CCDC6: variants seen among roughly 807,000 people sequenced by gnomAD.
The protein encoded by CCDC6 is coiled-coil domain containing 6.
CCDC6 carries 20 observed loss-of-function variants against 56.6 expected under a neutral mutation model. The observed-to-expected ratio is 0.35, with a 90% CI of 0.25 to 0.51. CCDC6 has a LOEUF of 0.51. Ranked by LOEUF, CCDC6 falls within the 20% of genes least tolerant of loss-of-function variation. CCDC6 has a pLI of 0.95. For missense variants in CCDC6, 367 were observed against 601.1 expected (o/e 0.61, Z 4.07); for synonymous variants, 241 against 234.4 (o/e 1.03, Z -0.26).
intron 7 of CCDC6, among the ~76,000 whole-genome samples, chr10:59,801,380 TG>T (rs2132624641): frequency 6.6e-6 from 1 of 152,346 alleles, no homozygotes; most frequent in Non-Finnish European, 1.5e-5. Flanking sequence ...CTAAGGTCAG[TG>T]GTAAGTTCTG....
chr10:59,803,244 A>T (rs2132625750), intron 7 of CCDC6, among the ~76,000 whole-genome samples: 1 of 152,096 alleles, frequency 6.6e-6, no homozygotes, highest in East Asian at 1.9e-4. Flanking sequence ...GCCTGACACC[A>T]GAGAGCACAC....
intron 7 of CCDC6, among the ~76,000 whole-genome samples, chr10:59,798,908 C>A: frequency 6.9e-6 from 1 of 145,832 alleles, no homozygotes; most frequent in South Asian, 2.2e-4. Flanking sequence ...GCAGGAGAAT[C>A]GCTTGAATCT....
At chr10:59,861,118 G>A (rs1398319695) in intron 1 of CCDC6, among the ~76,000 whole-genome samples, 1 of 152,158 alleles carries the variant, frequency 6.6e-6, no homozygotes, top group Non-Finnish European at 1.5e-5. Context: ...AGTAGAGGTT[G>A]TAGTGAGCCA....
In CCDC6 at chr10:59,906,372, C is replaced by T. The variant is rs200683186; in HGVS notation, c.53G>A (p.Ser18Asn). Residue 18 changes from serine (S) to asparagine (N), a missense_variant, in exon 1 of 9, where the codon AGC becomes AAC. By Grantham distance (46) the Ser-to-Asn change is conservative (BLOSUM62 1). Transcript: ENST00000263102. ...GGACGACTGCATGGCGGCCGAGCTG[C>T]TGCTGTTGCCCCCCGCCCCGTCCGT... ...SDTDGAGGNSSSSAAMQSSCS... is the reference protein window; with the variant it reads ...SDTDGAGGNSNSSAAMQSSCS... 762 of 1,593,414 alleles carry T rather than the reference C, an allele frequency of 4.8e-4. 5 individuals are homozygous for T. The highest frequency in any genetic ancestry group is 3.4e-3 in the Admixed American group (202 of 59,676).
intron 2 of CCDC6, among the ~76,000 whole-genome samples, chr10:59,840,218 A>G (rs2070925283): frequency 6.6e-6 from 1 of 152,228 alleles, no homozygotes; most frequent in African/African-American, 2.4e-5. Flanking sequence ...CCCAGGAGAG[A>G]AACCACTGGG....
At chr10:59,867,589 T>C (rs2071188202) in intron 1 of CCDC6, among the ~76,000 whole-genome samples, 1 of 152,202 alleles carries the variant, frequency 6.6e-6, no homozygotes. Context: ...GGTCTCACTC[T>C]GTCACCCAGG....
At chr10:59,846,404 G>A (rs143617270) in intron 2 of CCDC6, among the ~76,000 whole-genome samples, 2 of 152,282 alleles carry the variant, frequency 1.3e-5, no homozygotes, top group Non-Finnish European at 2.9e-5. Flanking sequence ...GGCAGAGGTA[G>A]TTTCAGCAGT....
At chr10:59,801,362 T>C (rs763412562) in intron 7 of CCDC6, among the ~76,000 whole-genome samples, 9 of 152,232 alleles carry the variant, frequency 5.9e-5, no homozygotes, top group Non-Finnish European at 1.3e-4. Flanking sequence ...CATCAAAAAC[T>C]GCTCTAGCTA....
chr10:59,804,786 CCA>C lies in CCDC6; in HGVS notation c.1005-268_1005-267del, dbSNP rs2070606565. The stretch of plus-strand genomic sequence containing the variant: ...AGCCAGGTGAAAGAGGTGCACCACA[CCA>C]CAGAGAGGACCAGTTTTTCCTCCAT... On this transcript the variant is annotated intron_variant, in intron 6 of 8. Coordinates refer to ENST00000263102, the MANE Select transcript of CCDC6 (RefSeq NM_005436.5). The C allele has an allele frequency of 1.1e-5, 4 of 355,548 alleles. No homozygotes were observed. The South Asian group carries it at 1.5e-4, about 13-fold the overall frequency. 22.0% of individuals were successfully genotyped at this position (355,548 alleles called of 1,614,324 possible).
chr10:59,839,447 T>C (rs1029830344), intron 2 of CCDC6, among the ~76,000 whole-genome samples: 1 of 152,206 alleles, frequency 6.6e-6, no homozygotes, highest in Non-Finnish European at 1.5e-5. Flanking sequence ...AGATTAAGCC[T>C]GAGGATAAGC....
intron 1 of CCDC6, among the ~76,000 whole-genome samples, chr10:59,896,631 CA>C (rs1174756664): frequency 1.4e-5 from 2 of 147,646 alleles, no homozygotes; most frequent in African/African-American, 2.5e-5. Context: ...AACAAACAAA[CA>C]AAAAAAATTA....
chr10:59,837,874 A>G (rs2070898498), intron 2 of CCDC6, among the ~76,000 whole-genome samples: 1 of 151,958 alleles, frequency 6.6e-6, no homozygotes, highest in African/African-American at 2.4e-5. Flanking sequence ...ATTGAAAATT[A>G]CCAAGGAATG....
intron 2 of CCDC6, among the ~76,000 whole-genome samples, chr10:59,838,962 T>C (rs1319723693): frequency 6.6e-6 from 1 of 152,234 alleles, no homozygotes; most frequent in Non-Finnish European, 1.5e-5. Flanking sequence ...GTCATTCAAG[T>C]GCATTTTGAT....
At chr10:59,898,191 GA>G (rs563117156) in intron 1 of CCDC6, among the ~76,000 whole-genome samples, 4 of 151,870 alleles carry the variant, frequency 2.6e-5, no homozygotes, top group African/African-American at 4.8e-5. Context: ...GGAATAGAGG[GA>G]AAAAAACCAC....
intron 3 of CCDC6, among the ~76,000 whole-genome samples, chr10:59,832,120 C>T (rs923570660): frequency 1.5e-4 from 23 of 152,198 alleles, no homozygotes; most frequent in African/African-American, 5.1e-4. Flanking sequence ...GCCAATCAAT[C>T]AAAGAGGAAA....
chr10:59,849,748 C>CT (rs927104390), intron 2 of CCDC6, among the ~76,000 whole-genome samples: 24 of 151,934 alleles, frequency 1.6e-4, no homozygotes, highest in East Asian at 3.9e-4. Context: ...TCTTAGCAGG[C>CT]TTTTTTTTAG....
At chr10:59,879,911 C>A (rs1007475822) in intron 1 of CCDC6, among the ~76,000 whole-genome samples, 5 of 152,134 alleles carry the variant, frequency 3.3e-5, no homozygotes, top group Admixed American at 6.5e-5. Flanking sequence ...ACAAATGATT[C>A]ATCATTTTAC....
intron 1 of CCDC6, among the ~76,000 whole-genome samples, chr10:59,867,851 G>T (rs1031978978): frequency 7.2e-5 from 11 of 152,152 alleles, no homozygotes; most frequent in Non-Finnish European, 1.3e-4. Flanking sequence ...TTACAGGTGT[G>T]AGCCACTGTC....
intron 8 of CCDC6, among the ~76,000 whole-genome samples, chr10:59,794,059 G>A (rs1023170898): frequency 6.6e-5 from 10 of 152,048 alleles, no homozygotes; most frequent in African/African-American, 2.2e-4. Flanking sequence ...CTTGTAATTC[G>A]AGGAGAGAAA....
Sources: gnomAD v4.1 joint callset for allele counts (sites outside exome capture counted in the v4.1 genomes callset) on GRCh38, gnomAD v4.1.1 for gene constraint, MANE v1.5 for transcripts, NCBI Gene and HGNC (gene_info 2026-07-23, HGNC 2026-07-21) for gene names.